LARGE1: variants seen among roughly 807,000 people sequenced by gnomAD.
LARGE1 encodes the protein xylosyl- and glucuronyltransferase LARGE1.
A neutral mutation model predicts 87.6 loss-of-function variants in LARGE1; 43 were observed. The ratio of observed to expected loss-of-function variants is 0.49; its 90% confidence interval spans 0.38 to 0.63. The LOEUF (loss-of-function observed/expected upper bound fraction) is 0.63, where lower values mean the gene tolerates loss of function less well. Among genes scored for constraint, LARGE1 ranks in the 30% least tolerant of loss-of-function variants. LARGE1 has a pLI of 0.00. For missense variants in LARGE1, 802 were observed against 1,000.2 expected (o/e 0.80, Z 2.67); for synonymous variants, 434 against 394.6 (o/e 1.10, Z -1.18).
At chr22:33,152,523 A>G in the LARGE1 span, among the ~76,000 whole-genome samples, 2 of 152,054 alleles carry the variant, frequency 1.3e-5, no homozygotes, top group Admixed American at 6.6e-5. Context: ...TTGACTTCTC[A>G]CCTATTTTTA....
intron 7 of LARGE1, among the ~76,000 whole-genome samples, chr22:33,386,241 G>A (rs2065319550): frequency 6.7e-6 from 1 of 148,584 alleles, no homozygotes; most frequent in Non-Finnish European, 1.5e-5. Flanking sequence ...GAAACTGAGG[G>A]GCTAAATCGG....
At chr22:33,370,594 C>T (rs538688641) in intron 9 of LARGE1, among the ~76,000 whole-genome samples, 49 of 152,162 alleles carry the variant, frequency 3.2e-4, no homozygotes, top group African/African-American at 1.2e-3. Flanking sequence ...ATTACTATCT[C>T]ATGGCTAAAA....
intron 2 of LARGE1, among the ~76,000 whole-genome samples, chr22:33,741,791 C>CTGT (rs2083893116): frequency 2.6e-5 from 4 of 152,214 alleles, no homozygotes; most frequent in South Asian, 2.1e-4. Context: ...CCTGCAATCA[C>CTGT]CTTGCAAGAA....
At chr22:33,893,037 G>A (rs738988) in intron 1 of LARGE1, among the ~76,000 whole-genome samples, 119,878 of 152,172 alleles carry the variant, frequency 0.79, 47,947 homozygotes, top group East Asian at 1. Flanking sequence ...TTAACTATCT[G>A]GCTGAGACTA....
intron 5 of LARGE1, among the ~76,000 whole-genome samples, chr22:33,602,895 G>A (rs1409974019): frequency 6.6e-6 from 1 of 152,176 alleles, no homozygotes; most frequent in Non-Finnish European, 1.5e-5. Flanking sequence ...AAAGGTAAAT[G>A]GTGAACACAG....
chr22:33,671,298 A>G (rs2081404673), intron 2 of LARGE1, among the ~76,000 whole-genome samples: 1 of 152,196 alleles, frequency 6.6e-6, no homozygotes, highest in African/African-American at 2.4e-5. Context: ...CAGATACCAC[A>G]CTGCTGAGTC....
At position 33,177,325 on chromosome 22, in the gene LARGE1, GAAGA is replaced by G. The variant is rs564048201; in HGVS notation, c.1731-10497_1731-10494del. Among the ~76,000 whole-genome samples the G allele has an allele frequency of 2.7e-3, 406 of 152,178 alleles. 4 individuals are homozygous for G. Among genetic ancestry groups the G allele is most frequent in the African/African-American group, 9.4e-3 (389 of 41,540 alleles). ...ATAATAATAAAAAATTATAATTTAT[GAAGA>G]AAGATTATAGTGCCTTATTAAATAA... On this transcript the variant is annotated intron_variant, in intron 11 of 11. Coordinates refer to the LARGE1 transcript ENST00000608642.
intron 4 of LARGE1, among the ~76,000 whole-genome samples, chr22:33,621,664 G>A (rs550578344): frequency 5.3e-5 from 8 of 152,302 alleles, no homozygotes; most frequent in Non-Finnish European, 8.8e-5. Flanking sequence ...AAGCAATGAA[G>A]CTATTTATAG....
intron 7 of LARGE1, among the ~76,000 whole-genome samples, chr22:33,402,263 C>T (rs944773681): frequency 6.6e-6 from 1 of 152,162 alleles, no homozygotes; most frequent in Non-Finnish European, 1.5e-5. Context: ...ACCAGAGGCC[C>T]AGGGGCTGGG....
rs181997556 is a variant in LARGE1 at position 33,564,491 on chromosome 22, C to T, written c.787+357G>A. Among the ~76,000 whole-genome samples, 296 of 152,336 alleles carry T rather than the reference C, an allele frequency of 1.9e-3. 2 individuals are homozygous for T. The highest frequency in any genetic ancestry group is 6.7e-3 in the Admixed American group (102 of 15,302). ...ACTCTAGAATCAATACTCATCTCTA[C>T]TACCTCACAGGCTTTCTTGGCAATT... On this transcript the variant is annotated intron_variant, in intron 6 of 14. Coordinates refer to ENST00000397394, the MANE Select transcript of LARGE1 (RefSeq NM_133642.5).
At chr22:33,645,492 A>G (rs2080580963) in intron 3 of LARGE1, among the ~76,000 whole-genome samples, 1 of 152,204 alleles carries the variant, frequency 6.6e-6, no homozygotes, top group South Asian at 2.1e-4. Context: ...TAAAAACCCT[A>G]GAAGAAAACC....
At chr22:33,884,655 G>C (rs1001268049) in intron 1 of LARGE1, among the ~76,000 whole-genome samples, 2 of 152,216 alleles carry the variant, frequency 1.3e-5, no homozygotes, top group African/African-American at 4.8e-5. Context: ...ACACTGCGGA[G>C]GGCCGGCAAC....
At chr22:33,305,938 A>T (rs1934838135) in intron 11 of LARGE1, among the ~76,000 whole-genome samples, 1 of 148,056 alleles carries the variant, frequency 6.8e-6, no homozygotes, top group African/African-American at 2.6e-5. Context: ...TCCCGGGTTC[A>T]CGCCATTCTC....
intron 6 of LARGE1, among the ~76,000 whole-genome samples, chr22:33,519,231 CGCGCGTGTGTGT>C (rs1011594494): frequency 7.4e-5 from 10 of 134,634 alleles, no homozygotes; most frequent in African/African-American, 2.5e-4. Context: ...CGTGCGTGCG[CGCGCGTGTGTGT>C]GTGTGTGTGT....
At chr22:33,836,492 C>G (rs938226930) in intron 1 of LARGE1, among the ~76,000 whole-genome samples, 2 of 152,156 alleles carry the variant, frequency 1.3e-5, no homozygotes, top group Non-Finnish European at 2.9e-5. Context: ...ACCAAGAACC[C>G]TGCAACTTCT....
At chr22:33,377,357 C>A (rs561910900) in intron 9 of LARGE1, among the ~76,000 whole-genome samples, 2 of 152,182 alleles carry the variant, frequency 1.3e-5, no homozygotes, top group African/African-American at 4.8e-5. Flanking sequence ...TGTTACTGAT[C>A]CTTTGGCCAA....
chr22:33,085,224 C>T, the LARGE1 span, among the ~76,000 whole-genome samples: 5 of 152,180 alleles, frequency 3.3e-5, no homozygotes, highest in African/African-American at 7.2e-5. Context: ...TGCAGTGAGC[C>T]GAGATCGCGC....
intron 1 of LARGE1, among the ~76,000 whole-genome samples, chr22:33,816,565 G>A (rs2086652078): frequency 6.6e-6 from 1 of 152,066 alleles, no homozygotes; most frequent in African/African-American, 2.4e-5. Flanking sequence ...TCACACAGCA[G>A]GTTAGATTTC....
At chr22:33,315,918 G>A (rs1396871054) in intron 11 of LARGE1, among the ~76,000 whole-genome samples, 167 bp downstream of exon 11, 4 of 152,120 alleles carry the variant, frequency 2.6e-5, no homozygotes, top group African/African-American at 4.8e-5. Flanking sequence ...GTGAGCCACC[G>A]TGCCCGGCCC....
Sources: gnomAD v4.1 joint callset for allele counts (sites outside exome capture counted in the v4.1 genomes callset) on GRCh38, gnomAD v4.1.1 for gene constraint, MANE v1.5 for transcripts, NCBI Gene and HGNC (gene_info 2026-07-23, HGNC 2026-07-21) for gene names.